The following RANBP17 variants were observed in gnomAD, a reference collection of about 807,000 sequenced individuals.
RANBP17 encodes ran-binding protein 17.
A neutral mutation model predicts 141.2 loss-of-function variants in RANBP17; 158 were observed. The observed-to-expected ratio is 1.12, with a 90% CI of 0.98 to 1.28. RANBP17 has a LOEUF of 1.28. RANBP17 is among the 50% of genes most tolerant of loss of function. RANBP17 has a pLI of 0.00. For synonymous variants in RANBP17, 430 were observed against 450.0 expected (o/e 0.96, Z 0.56); for missense variants, 1,438 against 1,290.7 (o/e 1.11, Z -1.75).
chr5:171,134,748 C>G (rs1171738517), intron 14 of RANBP17, among the ~76,000 whole-genome samples: 1 of 147,556 alleles, frequency 6.8e-6, no homozygotes, highest in Non-Finnish European at 1.5e-5. Flanking sequence ...TGGCAAAACC[C>G]TATCTCTACA....
chr5:171,136,356 A>T (rs1757277892), intron 14 of RANBP17, among the ~76,000 whole-genome samples: 1 of 152,064 alleles, frequency 6.6e-6, no homozygotes, highest in African/African-American at 2.4e-5. Flanking sequence ...TGTGTGTGTT[A>T]TATCTACGTA....
chr5:171,234,471 C>G (rs1440400328), intron 22 of RANBP17, among the ~76,000 whole-genome samples: 1 of 152,092 alleles, frequency 6.6e-6, no homozygotes, highest in African/African-American at 2.4e-5. Flanking sequence ...ACTCACGCTG[C>G]TATATTAAGG....
At chr5:171,008,178 TTGTC>T (rs896915693) in intron 14 of RANBP17, among the ~76,000 whole-genome samples, 2 of 152,198 alleles carry the variant, frequency 1.3e-5, no homozygotes. Flanking sequence ...TGTGTCTCCT[TTGTC>T]TGTACTAGAG....
chr5:170,917,005 C>A (rs1255117595), intron 9 of RANBP17, among the ~76,000 whole-genome samples: 1 of 152,140 alleles, frequency 6.6e-6, no homozygotes, highest in East Asian at 1.9e-4. Context: ...CATGAGCCAC[C>A]ATGCTCAGCC....
chr5:171,209,978 A>G (rs1217885619), intron 20 of RANBP17, among the ~76,000 whole-genome samples: 2 of 142,548 alleles, frequency 1.4e-5, no homozygotes, highest in African/African-American at 4.9e-5. Context: ...GGATGGATGG[A>G]TAGATATTGT....
chr5:171,091,055 C>A (rs1377131465), intron 14 of RANBP17, among the ~76,000 whole-genome samples: 1 of 152,174 alleles, frequency 6.6e-6, no homozygotes, highest in African/African-American at 2.4e-5. Context: ...AAGAGGGCCA[C>A]CATCCTCCAT....
intron 25 of RANBP17, among the ~76,000 whole-genome samples, chr5:171,288,161 C>CTTGA (rs762646897): frequency 6.6e-5 from 10 of 152,174 alleles, no homozygotes; most frequent in Non-Finnish European, 5.9e-5. Context: ...CATTGTTCAT[C>CTTGA]ATGAGAGTCT....
At chr5:170,886,488 A>C (rs568895037) in intron 3 of RANBP17, among the ~76,000 whole-genome samples, 2 of 152,302 alleles carry the variant, frequency 1.3e-5, no homozygotes, top group African/African-American at 4.8e-5. Context: ...TGTGGTTGGA[A>C]CATGTACAAT....
chr5:171,065,170 G>T (rs1293339481), intron 14 of RANBP17, among the ~76,000 whole-genome samples: 3 of 152,116 alleles, frequency 2.0e-5, no homozygotes, highest in South Asian at 2.1e-4. Flanking sequence ...TTATTCTTGG[G>T]TGTAGTGGAA....
intron 1 of RANBP17, among the ~76,000 whole-genome samples, chr5:170,872,796 AT>A (rs1304445260): frequency 6.6e-6 from 1 of 151,938 alleles, no homozygotes; most frequent in Non-Finnish European, 1.5e-5. Flanking sequence ...TAATCATGTG[AT>A]TTTTGTCATT....
chr5:170,930,434 A>G (rs920180606), intron 12 of RANBP17, among the ~76,000 whole-genome samples: 1 of 149,546 alleles, frequency 6.7e-6, no homozygotes, highest in Admixed American at 6.7e-5. Context: ...ATTTTACTTT[A>G]AGTTCTAGGG....
At chr5:171,056,499 A>G (rs767970902) in intron 14 of RANBP17, among the ~76,000 whole-genome samples, 1 of 152,188 alleles carries the variant, frequency 6.6e-6, no homozygotes, top group Admixed American at 6.6e-5. Context: ...ACTAAATCAT[A>G]TCAGAATTAC....
At chr5:171,220,511 C>T (rs1225547713) in intron 21 of RANBP17, among the ~76,000 whole-genome samples, 1 of 147,424 alleles carries the variant, frequency 6.8e-6, no homozygotes, top group Non-Finnish European at 1.5e-5. Context: ...CGCAGTGGCC[C>T]TATCTCGACT....
At chr5:171,245,119 ACT>A (rs1220812582) in intron 24 of RANBP17, among the ~76,000 whole-genome samples, 1 of 150,364 alleles carries the variant, frequency 6.7e-6, no homozygotes, top group African/African-American at 2.4e-5. Context: ...ACAGAGCAAG[ACT>A]CTGTCTCCAA....
intron 14 of RANBP17, among the ~76,000 whole-genome samples, chr5:171,097,806 G>A (rs1176626836): frequency 6.6e-6 from 1 of 151,546 alleles, no homozygotes; most frequent in East Asian, 1.9e-4. Flanking sequence ...TCCCCAACAG[G>A]CCCCAGTGTG....
chr5:170,947,492 T>C (rs1171450480), intron 12 of RANBP17, among the ~76,000 whole-genome samples: 1 of 151,642 alleles, frequency 6.6e-6, no homozygotes, highest in Non-Finnish European at 1.5e-5. Context: ...GGAAAGAAGA[T>C]AGGAAATGCT....
In RANBP17 at chr5:171,158,258, A is replaced by G. The variant is rs139454188; in HGVS notation, c.1711-11872A>G. ...GTGTTTTCCTAATTTTTATCTCCCC[A>G]TAATGTTTCTTTTGAAGGAGTCTTG... On this transcript the variant is annotated intron_variant, in intron 14 of 27. Coordinates refer to ENST00000523189, the MANE Select transcript of RANBP17 (RefSeq NM_022897.5). 3.2e-3 allele frequency: 558 copies of G among 176,728 alleles called. 1 individual carries two copies. Among genetic ancestry groups the G allele is most frequent in the African/African-American group, 0.012 (528 of 42,356 alleles). 10.9% of individuals were successfully genotyped at this position (176,728 alleles called of 1,614,324 possible).
chr5:171,243,930 T>G (rs1269267544), intron 24 of RANBP17, among the ~76,000 whole-genome samples: 2 of 150,652 alleles, frequency 1.3e-5, no homozygotes, highest in Non-Finnish European at 3.0e-5. Flanking sequence ...AAAAAAAAAT[T>G]AGCCAGGCAT....
At chr5:171,060,848 A>C (rs1017540792) in intron 14 of RANBP17, among the ~76,000 whole-genome samples, 1 of 152,266 alleles carries the variant, frequency 6.6e-6, no homozygotes, top group South Asian at 2.1e-4. Flanking sequence ...AGAGCCTGTT[A>C]TTAGTCTATT....
Sources: gnomAD v4.1 joint callset for allele counts (sites outside exome capture counted in the v4.1 genomes callset) on GRCh38, gnomAD v4.1.1 for gene constraint, MANE v1.5 for transcripts, NCBI Gene and HGNC (gene_info 2026-07-23, HGNC 2026-07-21) for gene names.